Variants in GGACT observed in about 807,000 individuals in gnomAD.
The protein encoded by GGACT is gamma-glutamylaminecyclotransferase.
For synonymous variants in GGACT, 118 were observed against 115.3 expected (o/e 1.02, Z -0.15); for missense variants, 241 against 233.2 (o/e 1.03, Z -0.22).
At chr13:100,585,767 C>T (rs977910931) in intron 1 of GGACT, among the ~76,000 whole-genome samples, 6 of 135,614 alleles carry the variant, frequency 4.4e-5, no homozygotes, top group African/African-American at 1.4e-4. Context: ...AGTGAGACTC[C>T]GTCTCAGGAA....
At position 100,554,646 on chromosome 13, in the gene GGACT, C is replaced by T. The variant is rs113796483; in HGVS notation, c.-10-22045G>A. On this transcript the variant is annotated intron_variant, in intron 2 of 2. Coordinates refer to ENST00000683975, the MANE Select transcript of GGACT (RefSeq NM_001195087.2). Reference sequence around the variant, plus strand: ...GAAAATATCCTTATTTTTTCAGAGACGCATATGGAAGTATCTAGCATTTGA... The same window carrying T: ...GAAAATATCCTTATTTTTTCAGAGATGCATATGGAAGTATCTAGCATTTGA... 5.9e-3 allele frequency among the ~76,000 whole-genome samples: 890 copies of T among 152,014 alleles called. 12 individuals are homozygous for T. The highest frequency in any genetic ancestry group is 0.02 in the African/African-American group (847 of 41,458).
chr13:100,572,023 T>A (rs1318880421), intron 2 of GGACT, among the ~76,000 whole-genome samples: 1 of 152,238 alleles, frequency 6.6e-6, no homozygotes, highest in African/African-American at 2.4e-5. Flanking sequence ...AATTTAACCT[T>A]TTGTGTGCAG....
At chr13:100,553,583 C>T (rs568998966) in intron 2 of GGACT, among the ~76,000 whole-genome samples, 15 of 152,234 alleles carry the variant, frequency 9.9e-5, no homozygotes, top group African/African-American at 2.2e-4. Flanking sequence ...TGGTGGCTCA[C>T]GCCTGTAATC....
intron 2 of GGACT, among the ~76,000 whole-genome samples, chr13:100,564,535 C>A (rs2088793713): frequency 1.3e-5 from 2 of 152,092 alleles, no homozygotes; most frequent in Admixed American, 1.3e-4. Flanking sequence ...ATACAAAAAG[C>A]CTTAGAATAA....
intron 2 of GGACT, among the ~76,000 whole-genome samples, chr13:100,552,265 G>A (rs2088671346): frequency 6.6e-6 from 1 of 152,208 alleles, no homozygotes; most frequent in African/African-American, 2.4e-5. Flanking sequence ...CAACAGCCCC[G>A]TGACGAGGCA....
At chr13:100,561,007 C>G (rs908727908) in intron 2 of GGACT, among the ~76,000 whole-genome samples, 3 of 152,190 alleles carry the variant, frequency 2.0e-5, no homozygotes, top group Admixed American at 6.5e-5. Context: ...AAGCACGCCT[C>G]CTAGACCACT....
chr13:100,572,397 C>T (rs141711063), intron 2 of GGACT, among the ~76,000 whole-genome samples: 20 of 151,992 alleles, frequency 1.3e-4, no homozygotes, highest in Admixed American at 2.0e-4. Context: ...AGCTGGGGGA[C>T]GGGGAAAATG....
chr13:100,553,293 G>A (rs1285700126), intron 2 of GGACT, among the ~76,000 whole-genome samples: 1 of 152,170 alleles, frequency 6.6e-6, no homozygotes, highest in Admixed American at 6.5e-5. Context: ...GGCAGATGCA[G>A]GCAAAAATGT....
At chr13:100,544,001 C>T (rs2088580344) in intron 2 of GGACT, among the ~76,000 whole-genome samples, 1 of 152,206 alleles carries the variant, frequency 6.6e-6, no homozygotes, top group African/African-American at 2.4e-5. Flanking sequence ...CCTTCTGTGA[C>T]CACCAGCAGC....
chr13:100,570,095 C>T lies in GGACT; in HGVS notation c.-11+13730G>A, dbSNP rs1353372622. Among the ~76,000 whole-genome samples the T allele has an allele frequency of 1.3e-5, 2 of 152,182 alleles. 1 individual carries two copies. Among genetic ancestry groups the T allele is most frequent in the African/African-American group, 4.8e-5 (2 of 41,446 alleles). ...AAGTCTCTAAGAAGTTCCAAACTTT[C>T]CCACATTTTACTGTCTTCTTCTGAG... On this transcript the variant is annotated intron_variant, in intron 2 of 2. Coordinates refer to ENST00000683975, the MANE Select transcript of GGACT (RefSeq NM_001195087.2).
intron 2 of GGACT, among the ~76,000 whole-genome samples, chr13:100,568,538 A>G (rs758704469): frequency 1.6e-4 from 24 of 152,248 alleles, no homozygotes; most frequent in Non-Finnish European, 3.4e-4. Flanking sequence ...TATCTCCACC[A>G]GGTGCCTCCC....
chr13:100,568,143 G>T (rs947345241), intron 2 of GGACT, among the ~76,000 whole-genome samples: 4 of 152,194 alleles, frequency 2.6e-5, no homozygotes, highest in Non-Finnish European at 5.9e-5. Context: ...AATTAAGAAA[G>T]AAGAGAATGG....
chr13:100,532,089 C>G lies in GGACT; in HGVS notation c.*41G>C, dbSNP rs1448890541. The G allele has an allele frequency of 4.3e-6, 6 of 1,383,028 alleles. No individual in the cohort carries two copies. The highest frequency in any genetic ancestry group is 5.7e-6 in the Non-Finnish European group (6 of 1,049,620). 85.7% of individuals were successfully genotyped at this position (1,383,028 alleles called of 1,614,324 possible). On this transcript the variant is annotated 3_prime_UTR_variant, in exon 3 of 3. Transcript: ENST00000683975. ...AGCATGGGCTGGGCGCATCTTGGAG[C>G]CCCAGGGCTCTCAAACCTAGGCCCA...
intron 2 of GGACT, among the ~76,000 whole-genome samples, chr13:100,573,909 C>T (rs1021349838): frequency 4.0e-5 from 6 of 148,934 alleles, no homozygotes; most frequent in African/African-American, 7.4e-5. Flanking sequence ...AACATGCTGG[C>T]GAGGCTGTGG....
At chr13:100,582,656 A>G (rs1191711365) in intron 2 of GGACT, among the ~76,000 whole-genome samples, 1 of 152,246 alleles carries the variant, frequency 6.6e-6, no homozygotes, top group Non-Finnish European at 1.5e-5. Context: ...AAGGGCCAAT[A>G]AGCCAAGGAA....
chr13:100,574,515 G>A (rs1875193070), intron 2 of GGACT, among the ~76,000 whole-genome samples: 1 of 152,192 alleles, frequency 6.6e-6, no homozygotes, highest in Admixed American at 6.5e-5. Flanking sequence ...GGCAGAGGTT[G>A]CAGTGAGCTG....
chr13:100,571,366 T>C (rs891824474), intron 2 of GGACT, among the ~76,000 whole-genome samples: 2 of 152,252 alleles, frequency 1.3e-5, no homozygotes, highest in Non-Finnish European at 2.9e-5. Flanking sequence ...TTTCTAATGA[T>C]CATATAGAAG....
At chr13:100,587,279 T>C (rs1252723459) in intron 1 of GGACT, 1 of 152,232 alleles carries the variant, frequency 6.6e-6, no homozygotes, top group African/African-American at 2.4e-5. Context: ...CCCTCTTCTA[T>C]TCTGCTTACT....
At chr13:100,582,107 T>G (rs1411990835) in intron 2 of GGACT, among the ~76,000 whole-genome samples, 1 of 152,190 alleles carries the variant, frequency 6.6e-6, no homozygotes, top group African/African-American at 2.4e-5. Flanking sequence ...TAAAAACAAC[T>G]GCCAATCCAA....
Sources: allele counts gnomAD v4.1 joint callset (sites outside exome capture counted in the v4.1 genomes callset), GRCh38; gene constraint gnomAD v4.1.1; transcripts MANE v1.5; gene names NCBI Gene and HGNC (gene_info 2026-07-23, HGNC 2026-07-21).